The following RPRD1A variants were observed in gnomAD, a reference collection of about 807,000 sequenced individuals.
RPRD1A encodes the protein regulation of nuclear pre-mRNA domain containing 1A, also known as regulation of nuclear pre-mRNA domain-containing protein 1A.
RPRD1A carries 9 observed loss-of-function variants against 37.8 expected under a neutral mutation model. The observed-to-expected ratio is 0.24, with a 90% CI of 0.14 to 0.42. The LOEUF (loss-of-function observed/expected upper bound fraction) is 0.42. Ranked by LOEUF, RPRD1A falls within the 10% of genes least tolerant of loss-of-function variation. The pLI, the probability that RPRD1A is intolerant of heterozygous loss-of-function variation, is 1.00. For missense variants in RPRD1A, 255 were observed against 371.0 expected (o/e 0.69, Z 2.57); for synonymous variants, 138 against 139.7 (o/e 0.99, Z 0.08).
chr18:36,034,190 G>T (rs939146076), intron 1 of RPRD1A, among the ~76,000 whole-genome samples: 1 of 152,118 alleles, frequency 6.6e-6, no homozygotes, highest in Non-Finnish European at 1.5e-5. Flanking sequence ...TAATAGACAT[G>T]TTAATTCGAA....
At chr18:36,037,028 C>T (rs1912237611) in intron 1 of RPRD1A, among the ~76,000 whole-genome samples, 1 of 152,152 alleles carries the variant, frequency 6.6e-6, no homozygotes, top group Non-Finnish European at 1.5e-5. Flanking sequence ...ACGCTAAGTA[C>T]AGACTAAAAT....
intron 2 of RPRD1A, among the ~76,000 whole-genome samples, chr18:36,031,316 A>T (rs1448034910): frequency 2.0e-5 from 3 of 151,894 alleles, no homozygotes; most frequent in Non-Finnish European, 4.4e-5. Flanking sequence ...ACATATTATT[A>T]CACAACCAAA....
At chr18:36,015,203 C>T (rs1049808147) in intron 6 of RPRD1A, among the ~76,000 whole-genome samples, 3 of 137,320 alleles carry the variant, frequency 2.2e-5, no homozygotes, top group African/African-American at 8.7e-5. Flanking sequence ...CACACACACA[C>T]ATTCACATAC....
intron 1 of RPRD1A, among the ~76,000 whole-genome samples, chr18:36,060,548 C>T (rs1274946557): frequency 2.6e-5 from 4 of 152,094 alleles, no homozygotes; most frequent in African/African-American, 9.7e-5. Flanking sequence ...AAGTTTAAGC[C>T]GTATTAGTGA....
At chr18:36,060,167 C>A (rs887727078) in intron 1 of RPRD1A, among the ~76,000 whole-genome samples, 7 of 152,064 alleles carry the variant, frequency 4.6e-5, no homozygotes, top group African/African-American at 1.7e-4. Context: ...TGTGGTGGCT[C>A]GCGCTTGTAA....
chr18:36,061,221 T>C (rs914410314), intron 1 of RPRD1A, among the ~76,000 whole-genome samples: 1 of 152,224 alleles, frequency 6.6e-6, no homozygotes, highest in Non-Finnish European at 1.5e-5. Context: ...ATTTAAAATT[T>C]TTTGTTTATT....
chr18:36,020,210 G>A (rs1756248957), intron 6 of RPRD1A, among the ~76,000 whole-genome samples: 1 of 152,162 alleles, frequency 6.6e-6, no homozygotes, highest in Non-Finnish European at 1.5e-5. Flanking sequence ...AAGTCTTAAG[G>A]TTGACAAGAA....
chr18:36,012,097 C>T (rs2144207832), intron 6 of RPRD1A, among the ~76,000 whole-genome samples: 1 of 152,284 alleles, frequency 6.6e-6, no homozygotes, highest in South Asian at 2.1e-4. Flanking sequence ...CAGTCATACA[C>T]TGCATTACAT....
At chr18:36,008,577 G>GTGTGTATATATA in intron 6 of RPRD1A, among the ~76,000 whole-genome samples, 8 of 47,796 alleles carry the variant, frequency 1.7e-4, no homozygotes, top group Admixed American at 2.8e-4. Flanking sequence ...CCTTGTGTGT[G>GTGTGTATATATA]TATATATATA....
intron 6 of RPRD1A, among the ~76,000 whole-genome samples, chr18:36,010,315 AAAAAAT>A (rs1487121568): frequency 6.6e-6 from 1 of 151,772 alleles, no homozygotes; most frequent in Non-Finnish European, 1.5e-5. Context: ...TAAAAAAAAT[AAAAAAT>A]AAAAATAAAA....
intron 1 of RPRD1A, 24 bp downstream of exon 1, chr18:36,067,230 G>C: frequency 2.6e-6 from 4 of 1,541,714 alleles, no homozygotes; most frequent in Non-Finnish European, 3.5e-6. Flanking sequence ...GGTGGGAAGC[G>C]GCCGACATAA....
At chr18:36,038,625 T>C (rs912214565) in intron 1 of RPRD1A, among the ~76,000 whole-genome samples, 22 of 151,518 alleles carry the variant, frequency 1.5e-4, no homozygotes, top group Admixed American at 5.3e-4. Context: ...CCTAGTGGAG[T>C]TCAAGAAGAG....
At chr18:36,033,274 C>T (rs1384403925) in intron 2 of RPRD1A, among the ~76,000 whole-genome samples, 2 of 126,178 alleles carry the variant, frequency 1.6e-5, no homozygotes, top group African/African-American at 6.3e-5. Flanking sequence ...TGTACTCCAG[C>T]CTGGGTGAGA....
chr18:35,993,075 A>G lies in RPRD1A; in HGVS notation c.*76T>C, dbSNP rs770631867. ...GTTTCTTTCTCAACAATATACAAAA[A>G]TAACACTACAGGACTATCCACCTAA... On this transcript the variant is annotated 3_prime_UTR_variant, in exon 7 of 7. Coordinates refer to ENST00000399022, the MANE Select transcript of RPRD1A (RefSeq NM_018170.5). 1.6e-4 allele frequency: 191 copies of G among 1,207,284 alleles called. No homozygotes were observed. The highest frequency in any genetic ancestry group is 2.1e-4 in the Non-Finnish European group (188 of 898,840). 74.8% of individuals were successfully genotyped at this position (1,207,284 alleles called of 1,614,324 possible). A position where few individuals can be genotyped will look rare whatever the true frequency, so the allele number is the denominator to read the frequency against.
chr18:36,028,609 C>T (rs1911547355), intron 4 of RPRD1A, among the ~76,000 whole-genome samples: 1 of 152,180 alleles, frequency 6.6e-6, no homozygotes, highest in Admixed American at 6.5e-5. Context: ...TGAGTACATT[C>T]TAAGTTCCCA....
intron 1 of RPRD1A, among the ~76,000 whole-genome samples, chr18:36,046,901 AT>A (rs1319872923): frequency 6.6e-6 from 1 of 151,448 alleles, no homozygotes; most frequent in Non-Finnish European, 1.5e-5. Context: ...AAAAAAAAAA[AT>A]CACCCCATAT....
chr18:36,013,780 T>C (rs897934209), intron 6 of RPRD1A, among the ~76,000 whole-genome samples: 4 of 152,154 alleles, frequency 2.6e-5, no homozygotes, highest in Non-Finnish European at 5.9e-5. Context: ...TTCTGACACA[T>C]GAATCAAGTA....
rs552809926 is a variant in RPRD1A at position 35,992,615 on chromosome 18, A to C, written c.*536T>G. 6.6e-6 allele frequency: 1 copy of C among 152,280 alleles called. No homozygotes were observed. Among genetic ancestry groups the C allele is most frequent in the South Asian group, 2.1e-4 (1 of 4,828 alleles). The allele number at this position is 152,280 out of a possible 1,614,324, so 9.4% of individuals were successfully genotyped here. ...ATCCCTGTTTTATGTTAAATTACCG[A>C]CCTCTAAGGAATCAAAGGCATGTAG... On this transcript the variant is annotated 3_prime_UTR_variant, in exon 7 of 7. Transcript: ENST00000399022.
At chr18:36,006,964 G>C (rs1448607005) in intron 6 of RPRD1A, among the ~76,000 whole-genome samples, 1 of 152,122 alleles carries the variant, frequency 6.6e-6, no homozygotes, top group Non-Finnish European at 1.5e-5. Context: ...ACAACATTCT[G>C]GCAGGCATGA....
Sources: allele counts gnomAD v4.1 joint callset (sites outside exome capture counted in the v4.1 genomes callset), GRCh38; gene constraint gnomAD v4.1.1; transcripts MANE v1.5; gene names NCBI Gene and HGNC (gene_info 2026-07-23, HGNC 2026-07-21).